The following UTP4 variants were observed in gnomAD, a reference collection of about 807,000 sequenced individuals.
UTP4 encodes UTP4 small subunit processome component, also known as U3 small nucleolar RNA-associated protein 4 homolog.
A neutral mutation model predicts 82.4 loss-of-function variants in UTP4; 45 were observed. The observed-to-expected ratio is 0.55, with a 90% confidence interval of 0.43 to 0.70. UTP4 has a LOEUF of 0.70. Ranked by LOEUF, UTP4 falls within the 30% of genes least tolerant of loss-of-function variation. The pLI, the probability that UTP4 is intolerant of heterozygous loss-of-function variation, is 0.00. For synonymous variants in UTP4, 348 were observed against 300.3 expected, an observed-to-expected ratio of 1.16 and a Z score of -1.64; for missense variants, 819 against 858.3, an observed-to-expected ratio of 0.95 and a Z score of 0.57.
intron 12 of UTP4, among the ~76,000 whole-genome samples, 167 bp downstream of exon 12, chr16:69,157,407 ACT>A (rs1381329755): frequency 1.3e-5 from 2 of 151,944 alleles, no homozygotes; most frequent in African/African-American, 4.8e-5. Context: ...GCAGATGAAG[ACT>A]CTCGATGAGA....
At chr16:69,139,224 C>T (rs1318414037) in intron 4 of UTP4, 1 of 151,880 alleles carries the variant, frequency 6.6e-6, no homozygotes, top group Non-Finnish European at 1.5e-5. Flanking sequence ...ACCTCGGCCT[C>T]CTGAAGTGGT....
Position 69,136,719 on chromosome 16 carries a change from G to T in UTP4, c.183G>T (p.Arg61=), listed in dbSNP as rs555220217. The T allele has an allele frequency of 3.0e-5, 48 of 1,613,964 alleles. No homozygotes were observed. In the South Asian group the frequency reaches 5.1e-4, roughly 17 times the overall value. ...QEKFFPGHES[R]ATEALCWAEG... ...AGTTTTTCCCAGGTCATGAGTCTCG[G>T]GCTACAGAAGCTTTGTGCTGGGCAG... Residue 61 remains arginine (R), a synonymous_variant, in exon 3 of 17, where the codon CGG becomes CGT. Transcript: ENST00000314423.
intron 2 of UTP4, among the ~76,000 whole-genome samples, chr16:69,135,854 C>T (rs1438715997): frequency 3.3e-5 from 5 of 152,046 alleles, no homozygotes; most frequent in South Asian, 2.1e-4. Context: ...GGAGAAACCC[C>T]GTCTCTACTA....
In UTP4 at chr16:69,165,313, C is replaced by G. The variant is rs370360030; in HGVS notation, c.1648-28C>G. On this transcript the variant is annotated intron_variant, in intron 14 of 16. Transcript: ENST00000314423. ...TCTGGTCTTTCTGAGTACCAGCCTG[C>G]ATTTCTCTATGTCATGTCCTCCCTC... is the stretch of plus-strand genomic sequence containing the variant. The G allele has an allele frequency of 8.7e-6, 14 of 1,606,170 alleles. No homozygotes were observed. The African/African-American group carries it at 1.7e-4, about 20-fold the overall frequency.
Position 69,165,471 on chromosome 16 carries a change from C to G in UTP4, c.1778C>G (p.Pro593Arg). ...ITHISFHPKR[P>R]MHILLHDAYM... ...CACATCAGTTTTCATCCCAAGAGACCGATGCACATCCTTCTCCATGATGCC... is the reference window on the plus strand; with the variant it reads ...CACATCAGTTTTCATCCCAAGAGACGGATGCACATCCTTCTCCATGATGCC... Residue 593 changes from proline (P) to arginine (R), a missense_variant, in exon 15 of 17, where the codon CCG becomes CGG. By Grantham distance (103) the Pro-to-Arg change is moderately radical. Transcript: ENST00000314423. The G allele has an allele frequency of 1.2e-6, 2 of 1,614,044 alleles. No homozygotes were observed. The highest frequency in any genetic ancestry group is 1.7e-6 in the Non-Finnish European group (2 of 1,179,928).
intron 16 of UTP4, chr16:69,167,842 C>CA (rs35837577): frequency 0.016 from 2,022 of 126,784 alleles, 23 homozygotes; most frequent in African/African-American, 0.02. Context: ...CCTGTCTCTA[C>CA]AAAAAAAAAA....
intron 4 of UTP4, chr16:69,139,137 T>G (rs989961484): frequency 6.6e-6 from 1 of 151,212 alleles, no homozygotes; most frequent in Non-Finnish European, 1.5e-5. Flanking sequence ...CCCGGCTAGT[T>G]TTTGTGTTTT....
At chr16:69,159,430 C>T (rs997297246) in intron 12 of UTP4, among the ~76,000 whole-genome samples, 3 of 152,142 alleles carry the variant, frequency 2.0e-5, no homozygotes, top group African/African-American at 4.8e-5. Context: ...CACAGTGGCT[C>T]ACACCTCCCA....
rs769413821 is a variant in UTP4 at position 69,165,471 on chromosome 16, C to T, written c.1778C>T (p.Pro593Leu). ...CACATCAGTTTTCATCCCAAGAGAC[C>T]GATGCACATCCTTCTCCATGATGCC... The part of the protein sequence containing the change: ...ITHISFHPKR[P>L]MHILLHDAYM... Residue 593 changes from proline (P) to leucine (L), a missense_variant, in exon 15 of 17, where the codon CCG (proline) becomes CTG (leucine). Pro to Leu is a moderately conservative substitution (Grantham distance 98, BLOSUM62 -3). Transcript: ENST00000314423. The T allele has an allele frequency of 3.7e-5, 60 of 1,614,044 alleles. No individual in the cohort carries two copies. Among genetic ancestry groups the T allele is most frequent in the Non-Finnish European group, 4.7e-5 (56 of 1,179,928 alleles).
At position 69,134,086 on chromosome 16, in the gene UTP4, C is replaced by T. The variant is rs561608570; in HGVS notation, c.159+468C>T. 2.0e-5 allele frequency among the ~76,000 whole-genome samples: 3 copies of T among 152,272 alleles called. No individual in the cohort carries two copies. In the South Asian group the frequency reaches 6.2e-4, roughly 32 times the overall value. On this transcript the variant is annotated intron_variant, in intron 2 of 16. Transcript: ENST00000314423. ...GAGAGAATGTAGACCTACATGTCTA[C>T]ATTTGGGAGTAAAGGAGATTTAAAA...
rs200162340 is a variant in UTP4 at position 69,157,113 on chromosome 16, T to A, written c.1317T>A (p.Ser439=). Residue 439 remains serine (S), a synonymous_variant, in exon 12 of 17, where the codon TCT becomes TCA. Coordinates refer to ENST00000314423, the MANE Select transcript of UTP4 (RefSeq NM_032830.3). ...RVSKMPAFLR[S]ALQILFSEDS... Reference sequence around the variant, plus strand: ...CCAAAATGCCAGCATTCCTTCGCTCTGCCCTTCAGATTTTGTTTTCTGAAG... The same window carrying A: ...CCAAAATGCCAGCATTCCTTCGCTCAGCCCTTCAGATTTTGTTTTCTGAAG... The A allele has an allele frequency of 3.5e-5, 56 of 1,614,148 alleles. No individual in the cohort carries two copies. Among genetic ancestry groups the A allele is most frequent in the South Asian group, 7.7e-5 (7 of 91,088 alleles).
intron 2 of UTP4, among the ~76,000 whole-genome samples, chr16:69,134,472 C>T (rs1256109221): frequency 1.5e-5 from 2 of 134,714 alleles, no homozygotes; most frequent in Non-Finnish European, 3.2e-5. Context: ...GAAACACAGG[C>T]ATAGAACCTT....
At chr16:69,152,024 AGATAG>A (rs1304705581) in intron 8 of UTP4, among the ~76,000 whole-genome samples, 6 of 151,196 alleles carry the variant, frequency 4.0e-5, no homozygotes, top group Non-Finnish European at 7.4e-5. Flanking sequence ...ATAGATAGAT[AGATAG>A]ATCAACAGCT....
intron 12 of UTP4, 72 bp from the exon 13 acceptor site, chr16:69,160,284 C>T: frequency 8.5e-7 from 1 of 1,179,468 alleles, no homozygotes; most frequent in South Asian, 1.2e-5. Flanking sequence ...TTGGCTTTTG[C>T]CATCATCTCC....
At chr16:69,132,736 G>A (rs1962654571) in intron 1 of UTP4, 47 bp downstream of exon 1, 2 of 248,282 alleles carry the variant, frequency 8.1e-6, no homozygotes, top group Non-Finnish European at 1.6e-5. Context: ...AGCTGGGGGG[G>A]TCTTACAAGG....
chr16:69,146,040 G>A (rs1963098806), intron 6 of UTP4, among the ~76,000 whole-genome samples: 1 of 151,446 alleles, frequency 6.6e-6, no homozygotes, highest in Non-Finnish European at 1.5e-5. Context: ...GGCAGAGGTT[G>A]CAGTGAGCCG....
intron 6 of UTP4, among the ~76,000 whole-genome samples, chr16:69,145,194 T>C (rs1963074809): frequency 6.6e-6 from 1 of 152,074 alleles, no homozygotes; most frequent in African/African-American, 2.4e-5. Flanking sequence ...AGAAAGAGAA[T>C]ACAGAGTAAA....
At chr16:69,134,621 A>G (rs1275065531) in intron 2 of UTP4, among the ~76,000 whole-genome samples, 1 of 151,612 alleles carries the variant, frequency 6.6e-6, no homozygotes, top group Non-Finnish European at 1.5e-5. Flanking sequence ...GACCACCACA[A>G]ATGGGTTACA....
intron 6 of UTP4, among the ~76,000 whole-genome samples, chr16:69,149,801 G>A (rs754036295): frequency 4.6e-5 from 7 of 151,904 alleles, no homozygotes; most frequent in East Asian, 1.9e-4. Context: ...CGATCTTGGC[G>A]TACTGCAACC....
Sources: allele counts gnomAD v4.1 joint callset (sites outside exome capture counted in the v4.1 genomes callset), GRCh38; gene constraint gnomAD v4.1.1; transcripts MANE v1.5; gene names NCBI Gene and HGNC (gene_info 2026-07-23, HGNC 2026-07-21).